The following EPHB4 variants were observed in gnomAD, a reference collection of about 807,000 sequenced individuals.
EPHB4 encodes the protein ephrin type-B receptor 4.
A neutral mutation model predicts 110.6 loss-of-function variants in EPHB4; 50 were observed. That is an observed-to-expected ratio of 0.45 (90% confidence interval 0.36 to 0.57). EPHB4 has a LOEUF of 0.57. Ranked by LOEUF, EPHB4 falls within the 20% of genes least tolerant of loss-of-function variation. EPHB4 has a pLI of 0.00. For synonymous variants in EPHB4, 592 were observed against 578.4 expected (o/e 1.02, Z -0.34); for missense variants, 1,128 against 1,382.1 (o/e 0.82, Z 2.91).
In EPHB4 at chr7:100,822,636, C is replaced by T. The variant is rs770790162; in HGVS notation, c.443G>A (p.Arg148Gln). ...VDTVAAEHLTRKRPGAEATGK... is the reference protein window; with the variant it reads ...VDTVAAEHLTQKRPGAEATGK... ...GGTGGCCTCGGCCCCAGGGCGCTTC[C>T]GGGTGAGATGCTCCGCGGCCACCGT... Residue 148 changes from arginine to glutamine, a missense_variant, in exon 4 of 17, where the codon CGG (arginine) becomes CAG (glutamine). By Grantham distance (43) the Arg-to-Gln change is conservative (BLOSUM62 1). This residue lies in a region of EPHB4 where 728 missense variants were observed against 828.6 expected (regional missense o/e 0.88). Coordinates refer to ENST00000358173, the MANE Select transcript of EPHB4 (RefSeq NM_004444.5). This position sits in a 1 kb window ranked among gnomAD's most constrained non-coding sequence, Gnocchi z 4.7. The T allele has an allele frequency of 5.0e-6, 8 of 1,592,124 alleles. No homozygotes were observed. The Admixed American group carries it at 5.1e-5, about 10-fold the overall frequency.
chr7:100,824,321 G>C (rs1290391954), intron 1 of EPHB4, 48 bp from the exon 2 acceptor site: 2 of 1,599,142 alleles, frequency 1.3e-6, no homozygotes, highest in Non-Finnish European at 1.7e-6. Context: ...GGGGGAGGGA[G>C]GTCAGGAAGA....
chr7:100,805,656 C>T lies in EPHB4; in HGVS notation c.2523G>A (p.Pro841=), dbSNP rs775373372. The T allele has an allele frequency of 1.8e-5, 27 of 1,525,010 alleles. No homozygotes were observed. The highest frequency in any genetic ancestry group is 1.1e-4 in the African/African-American group (8 of 71,320). 94.5% of individuals were successfully genotyped at this position (1,525,010 alleles called of 1,614,324 possible). The stretch of plus-strand genomic sequence containing the variant: ...GGAGGGAGGTGGGACAGTCTGGGGG[C>T]GGGGGCAGCCGGTAGTCCTGTTCAA... ...NAIEQDYRLP[P]PPDCPTSLHQ... Residue 841 remains proline (P), a synonymous_variant, in exon 15 of 17, where the codon CCG becomes CCA. Coordinates refer to ENST00000358173, the MANE Select transcript of EPHB4 (RefSeq NM_004444.5).
Position 100,826,998 on chromosome 7 carries a change from C to G in EPHB4, c.33G>C (p.Ser11=). Residue 11 remains serine, a synonymous_variant, in exon 1 of 17, where the codon TCG becomes TCC. Transcript: ENST00000358173. ...ACTCACCTTCCAAAGCTGCGGCCAA[C>G]GAAGCCCAGCAGAGCAGCACCCGGA... is the stretch of plus-strand genomic sequence containing the variant. MELRVLLCWA[S]LAAALEETLL... 1.3e-6 allele frequency: 2 copies of G among 1,576,444 alleles called. No individual in the cohort carries two copies. The highest frequency in any genetic ancestry group is 1.7e-6 in the Non-Finnish European group (2 of 1,160,724).
chr7:100,819,758 G>C lies in EPHB4; in HGVS notation c.1096C>G (p.Pro366Ala), dbSNP rs369954495. 6.2e-6 allele frequency: 10 copies of C among 1,603,758 alleles called. No individual in the cohort carries two copies. In the African/African-American group the frequency reaches 1.1e-4, roughly 17 times the overall value. Residue 366 changes from proline (P) to alanine (A), a missense_variant, in exon 6 of 17, where the codon CCC becomes GCC. Around this residue, in one of 3 missense-constraint regions of EPHB4, gnomAD observed 728 missense variants for 828.6 expected, o/e 0.88. Transcript: ENST00000358173. ...TYALRCRECR[P>A]GGSCAPCGGD... is the part of the protein sequence containing the mutation. ...CCGCAGGGCGCACAGGAGCCTCCGG[G>C]TCGGCACTCCCGGCAGCGGAGGGCG...
At chr7:100,824,393 G>A in intron 1 of EPHB4, 120 bp from the exon 2 acceptor site, 1 of 1,060,554 alleles carries the variant, frequency 9.4e-7, no homozygotes. Context: ...GAGTTGGGGG[G>A]CCAAGAGGGG....
intron 10 of EPHB4, 30 bp from the exon 11 acceptor site, chr7:100,813,238 G>A: frequency 6.4e-7 from 1 of 1,571,774 alleles, no homozygotes; most frequent in Non-Finnish European, 8.7e-7. Flanking sequence ...CCCGTCAGCT[G>A]GGAATTAACT....
chr7:100,813,315 T>C lies in EPHB4; in HGVS notation c.1757-107A>G, dbSNP rs374173422. On this transcript the variant is annotated intron_variant, in intron 10 of 16. Coordinates refer to ENST00000358173, the MANE Select transcript of EPHB4 (RefSeq NM_004444.5). The stretch of plus-strand genomic sequence containing the variant: ...AACCCCTGTCTCCGTGGTTTTTTTT[T>C]TTTTTTTTTTTTTTCCTGAGATGGA... 2.7e-3 allele frequency: 2,342 copies of C among 866,450 alleles called. 3 individuals carry two copies. The highest frequency in any genetic ancestry group is 9.8e-3 in the Middle Eastern group (27 of 2,744). The allele number at this position is 866,450 out of a possible 1,614,324, so 53.7% of individuals were successfully genotyped here. A position where few individuals can be genotyped will look rare whatever the true frequency, so the allele number is the denominator to read the frequency against.
chr7:100,803,718 C>G (rs991049191), intron 16 of EPHB4, 128 bp from the exon 17 acceptor site: 2 of 1,204,150 alleles, frequency 1.7e-6, no homozygotes, highest in Admixed American at 6.3e-5. Flanking sequence ...GGAGGGAGAA[C>G]AGATGTCAAC....
chr7:100,816,339 CT>C (rs879870792), intron 8 of EPHB4, among the ~76,000 whole-genome samples: 197 of 142,450 alleles, frequency 1.4e-3, no homozygotes, highest in East Asian at 1.7e-3. Flanking sequence ...CTGCGGTGAG[CT>C]TTTTTTTTTT....
At chr7:100,818,146 C>A (rs920367829) in intron 7 of EPHB4, among the ~76,000 whole-genome samples, 6 of 152,054 alleles carry the variant, frequency 3.9e-5, no homozygotes, top group Non-Finnish European at 8.8e-5. Context: ...GGATTACAGG[C>A]GTAAGCTACC....
intron 3 of EPHB4, among the ~76,000 whole-genome samples, 183 bp downstream of exon 3, chr7:100,823,461 C>T (rs751850833): frequency 3.9e-5 from 6 of 152,116 alleles, no homozygotes; most frequent in Non-Finnish European, 8.8e-5. Flanking sequence ...AGGCAGCCCC[C>T]GTATATTCTG....
intron 8 of EPHB4, among the ~76,000 whole-genome samples, chr7:100,814,396 G>GCCTC (rs1813018497): frequency 6.6e-6 from 1 of 152,170 alleles, no homozygotes; most frequent in Non-Finnish European, 1.5e-5. Context: ...TCCTGCCTCA[G>GCCTC]CCTCCTGAGT....
intron 8 of EPHB4, among the ~76,000 whole-genome samples, chr7:100,814,507 T>G (rs945431977): frequency 2.0e-5 from 3 of 152,110 alleles, no homozygotes; most frequent in African/African-American, 7.2e-5. Context: ...CAAACCAGCC[T>G]AGGCATGCCC....
chr7:100,803,787 G>A (rs189463672), intron 16 of EPHB4, among the ~76,000 whole-genome samples, 197 bp from the exon 17 acceptor site: 337 of 152,338 alleles, frequency 2.2e-3, no homozygotes, highest in Non-Finnish European at 3.9e-3. Context: ...ACCGCAGAAG[G>A]GGGTAGGGCT....
chr7:100,827,187 G>A lies in EPHB4; in HGVS notation c.-157C>T, dbSNP rs1813431070. 10 of 646,490 alleles carry A rather than the reference G, an allele frequency of 1.5e-5. No individual in the cohort carries two copies. In the East Asian group the frequency reaches 3.2e-4, roughly 21 times the overall value. The allele number at this position is 646,490 out of a possible 1,614,324, so 40.0% of individuals were successfully genotyped here. A position where few individuals can be genotyped will look rare whatever the true frequency, so the allele number is the denominator to read the frequency against. On this transcript the variant is annotated 5_prime_UTR_variant, in exon 1 of 17. Coordinates refer to ENST00000358173, the MANE Select transcript of EPHB4 (RefSeq NM_004444.5). The stretch of plus-strand genomic sequence containing the variant: ...CATGCGAGCGTGCGGGGCACCGGGC[G>A]GCGGCGCCAAGTGTGGCCCCGCGTC...
At position 100,817,337 on chromosome 7, in the gene EPHB4, G is replaced by A. The variant is rs142650086; in HGVS notation, c.1443C>T (p.Ser481=). The A allele has an allele frequency of 1.1e-5, 17 of 1,580,038 alleles. No individual in the cohort carries two copies. Among genetic ancestry groups the A allele is most frequent in the Non-Finnish European group, 1.3e-5 (15 of 1,164,502 alleles). ...YHEKGAEGPS[S]VRFLKTSENR... ...TTTCTGACGTCTTCAGGAACCGCACGCTGCTGGGACCCTCGGCGCCCTGTC... is the reference window on the plus strand; with the variant it reads ...TTTCTGACGTCTTCAGGAACCGCACACTGCTGGGACCCTCGGCGCCCTGTC... Residue 481 remains serine (S), a synonymous_variant, in exon 8 of 17, where the codon AGC becomes AGT. Coordinates refer to ENST00000358173, the MANE Select transcript of EPHB4 (RefSeq NM_004444.5).
chr7:100,814,706 C>T (rs541445454), intron 8 of EPHB4, among the ~76,000 whole-genome samples: 14 of 152,090 alleles, frequency 9.2e-5, no homozygotes, highest in Middle Eastern at 3.4e-3. Flanking sequence ...CTGATTATTA[C>T]GTCTCCATAA....
chr7:100,820,867 T>G (rs1275185909), intron 4 of EPHB4, among the ~76,000 whole-genome samples: 2 of 151,872 alleles, frequency 1.3e-5, no homozygotes, highest in Non-Finnish European at 2.9e-5. Flanking sequence ...TGTAAATACC[T>G]GTGATTTTTT....
intron 4 of EPHB4, 41 bp from the exon 5 acceptor site, chr7:100,820,337 C>T (rs766880472): frequency 1.2e-6 from 2 of 1,605,220 alleles, no homozygotes; most frequent in South Asian, 1.1e-5. Flanking sequence ...TGCACAAAAA[C>T]ATCCATCTGC....
Sources: gnomAD v4.1 joint callset for allele counts (sites outside exome capture counted in the v4.1 genomes callset) on GRCh38, gnomAD v4.1.1 for gene constraint, gnomAD v4.1.1 regional missense constraint, Gnocchi (gnomAD v3.1) non-coding constraint, MANE v1.5 for transcripts, NCBI Gene and HGNC (gene_info 2026-07-23, HGNC 2026-07-21) for gene names.